The following KCTD16 variants were observed in gnomAD, a reference collection of about 807,000 sequenced individuals.
KCTD16 encodes the protein BTB/POZ domain-containing protein KCTD16.
KCTD16 carries 13 observed loss-of-function variants against 33.2 expected under a neutral mutation model. The observed-to-expected ratio is 0.39, with a 90% CI of 0.25 to 0.62. KCTD16 has a LOEUF of 0.62. KCTD16 is among the 20% of genes least tolerant of loss of function. The probability of loss-of-function intolerance (pLI) is 0.50; values close to 1 mark genes in which losing one functional copy is unlikely to be tolerated. For missense variants in KCTD16, 441 were observed against 525.1 expected, an observed-to-expected ratio of 0.84 and a Z score of 1.57; for synonymous variants, 197 against 195.3, an observed-to-expected ratio of 1.01 and a Z score of -0.07.
At chr5:144,373,318 G>T (rs538610417) in intron 3 of KCTD16, among the ~76,000 whole-genome samples, 1 of 152,252 alleles carries the variant, frequency 6.6e-6, no homozygotes, top group African/African-American at 2.4e-5. Flanking sequence ...GCTATGAGGG[G>T]TGGTAAGCAA....
At chr5:144,224,430 T>C (rs1469435860) in intron 3 of KCTD16, among the ~76,000 whole-genome samples, 1 of 142,906 alleles carries the variant, frequency 7.0e-6, no homozygotes, top group African/African-American at 2.6e-5. Flanking sequence ...GAAACTGTGG[T>C]AAAATATCTG....
At chr5:144,392,078 A>T (rs1245233941) in intron 3 of KCTD16, among the ~76,000 whole-genome samples, 3 of 152,256 alleles carry the variant, frequency 2.0e-5, no homozygotes, top group Non-Finnish European at 4.4e-5. Flanking sequence ...ATGTTTTAAT[A>T]GTTATATTAA....
At chr5:144,467,840 C>G (rs987847677) in intron 3 of KCTD16, among the ~76,000 whole-genome samples, 3 of 152,116 alleles carry the variant, frequency 2.0e-5, no homozygotes, top group African/African-American at 7.2e-5. Context: ...TCTCTCAGCT[C>G]CAAACACACC....
In KCTD16 at chr5:144,418,034, T is replaced by C. The variant is rs970305355; in HGVS notation, c.833-55626T>C. On this transcript the variant is annotated intron_variant, in intron 3 of 3. Coordinates refer to ENST00000512467, the MANE Select transcript of KCTD16 (RefSeq NM_020768.4). ...GGCTCGTAGTCTTGCTGACTTCAGG[T>C]GTGAAGCCACAGACCTTGGCAGTGA... Among the ~76,000 whole-genome samples the C allele has an allele frequency of 4.6e-5, 7 of 152,062 alleles. No homozygotes were observed. The South Asian group carries it at 1.2e-3, about 27-fold the overall frequency.
chr5:144,215,201 A>AAAAACACTT (rs1229242387), intron 3 of KCTD16, among the ~76,000 whole-genome samples: 1 of 152,216 alleles, frequency 6.6e-6, no homozygotes, highest in Non-Finnish European at 1.5e-5. Context: ...GGGAACTGAG[A>AAAAACACTT]AAAACACTTA....
At chr5:144,245,823 A>G (rs1754534322) in intron 3 of KCTD16, among the ~76,000 whole-genome samples, 1 of 152,154 alleles carries the variant, frequency 6.6e-6, no homozygotes. Context: ...CCATGACTGT[A>G]AATTCCCTGA....
intron 3 of KCTD16, among the ~76,000 whole-genome samples, chr5:144,456,527 T>C (rs1175880582): frequency 1.3e-5 from 2 of 152,068 alleles, no homozygotes; most frequent in Admixed American, 6.6e-5. Context: ...CTAAACTCAT[T>C]AGGGCCATCT....
intron 3 of KCTD16, among the ~76,000 whole-genome samples, chr5:144,245,066 G>T (rs1382406085): frequency 6.6e-6 from 1 of 152,074 alleles, no homozygotes; most frequent in East Asian, 1.9e-4. Flanking sequence ...AATTTAAACT[G>T]TATGTTTTGT....
In KCTD16 at chr5:144,345,749, T is replaced by G. The variant is rs1287824912; in HGVS notation, c.833-127911T>G. 2.0e-5 allele frequency among the ~76,000 whole-genome samples: 3 copies of G among 152,132 alleles called. No individual in the cohort carries two copies. In the East Asian group the frequency reaches 5.8e-4, roughly 29 times the overall value. Reference sequence around the variant, plus strand: ...GGTACATAGTAGGTGTATCTATTTTTGGGGTACATGAGATGCTTTGATACA... The same window carrying G: ...GGTACATAGTAGGTGTATCTATTTTGGGGGTACATGAGATGCTTTGATACA... On this transcript the variant is annotated intron_variant, in intron 3 of 3. Transcript: ENST00000512467.
intron 3 of KCTD16, among the ~76,000 whole-genome samples, chr5:144,465,292 C>G (rs1561618272): frequency 6.7e-6 from 1 of 150,088 alleles, no homozygotes; most frequent in Non-Finnish European, 1.5e-5. Flanking sequence ...GTACCCTGTC[C>G]TGTGTTTATC....
intron 2 of KCTD16, among the ~76,000 whole-genome samples, chr5:144,192,890 A>G (rs1250163185): frequency 6.6e-6 from 1 of 152,218 alleles, no homozygotes; most frequent in Non-Finnish European, 1.5e-5. Flanking sequence ...TTATTCTATG[A>G]GCAGTGGTGA....
intron 3 of KCTD16, among the ~76,000 whole-genome samples, chr5:144,288,219 A>G (rs1322348341): frequency 6.6e-6 from 1 of 152,224 alleles, no homozygotes; most frequent in Non-Finnish European, 1.5e-5. Flanking sequence ...TTGGGGACAG[A>G]AAAGAGTGGC....
chr5:144,425,781 G>A (rs967169549), intron 3 of KCTD16, among the ~76,000 whole-genome samples: 1 of 152,192 alleles, frequency 6.6e-6, no homozygotes, highest in African/African-American at 2.4e-5. Flanking sequence ...AGCTTACGAA[G>A]AGCACCTTGG....
chr5:144,317,708 CCTT>C (rs1232787694), intron 3 of KCTD16, among the ~76,000 whole-genome samples: 2 of 152,210 alleles, frequency 1.3e-5, no homozygotes, highest in Admixed American at 6.5e-5. Context: ...GGTTGGGTCT[CCTT>C]CTTCTGATTC....
intron 3 of KCTD16, among the ~76,000 whole-genome samples, chr5:144,451,896 G>T (rs1358684889): frequency 6.6e-6 from 1 of 152,078 alleles, no homozygotes; most frequent in Non-Finnish European, 1.5e-5. Flanking sequence ...AAGGACCTCA[G>T]ACATTTTCCT....
At chr5:144,437,434 T>C (rs548259660) in intron 3 of KCTD16, among the ~76,000 whole-genome samples, 1 of 152,324 alleles carries the variant, frequency 6.6e-6, no homozygotes, top group Non-Finnish European at 1.5e-5. Context: ...TTAATTTATT[T>C]GTTCTTCATA....
At chr5:144,299,131 T>C (rs1166772981) in intron 3 of KCTD16, among the ~76,000 whole-genome samples, 19 of 30,248 alleles carry the variant, frequency 6.3e-4, no homozygotes, top group Middle Eastern at 0.013. Context: ...TATATATATA[T>C]ATATATATAT....
rs1753710225 is a variant in KCTD16 at position 144,220,422 on chromosome 5, ATCC to A, written c.832+12879_832+12881del. Among the ~76,000 whole-genome samples the A allele has an allele frequency of 4.6e-5, 7 of 152,142 alleles. No individual in the cohort carries two copies. In the South Asian group the frequency reaches 1.5e-3, roughly 32 times the overall value. ...AGCTATATTTGTCCTACTCTTTTGT[ATCC>A]TCAGCACCTAGTATAGTGCCTTATA... On this transcript the variant is annotated intron_variant, in intron 3 of 3. Transcript: ENST00000512467.
intron 3 of KCTD16, among the ~76,000 whole-genome samples, chr5:144,388,140 C>T (rs969578324): frequency 1.7e-5 from 2 of 118,954 alleles, no homozygotes; most frequent in Admixed American, 1.2e-4. Flanking sequence ...AGTGCAGTGG[C>T]GGGATATCGG....
Sources: gnomAD v4.1 joint callset for allele counts (sites outside exome capture counted in the v4.1 genomes callset) on GRCh38, gnomAD v4.1.1 for gene constraint, MANE v1.5 for transcripts, NCBI Gene and HGNC (gene_info 2026-07-23, HGNC 2026-07-21) for gene names.